The following ANKS1B variants were observed in gnomAD, a reference collection of about 807,000 sequenced individuals.
The protein encoded by ANKS1B is ankyrin repeat and sterile alpha motif domain containing 1B.
In ANKS1B, 36 loss-of-function variants were observed where a neutral mutation model predicts 148.3. That is an observed-to-expected ratio of 0.24 (90% CI 0.19 to 0.32). ANKS1B has a LOEUF of 0.32. Among genes scored for constraint, ANKS1B ranks in the 10% least tolerant of loss-of-function variants. The pLI, the probability that ANKS1B is intolerant of heterozygous loss-of-function variation, is 1.00. For missense variants in ANKS1B, 1,157 were observed against 1,542.6 expected (o/e 0.75, Z 4.19); for synonymous variants, 542 against 560.8 (o/e 0.97, Z 0.47).
chr12:98,782,998 G>A (rs1389338627), intron 22 of ANKS1B, among the ~76,000 whole-genome samples: 1 of 151,138 alleles, frequency 6.6e-6, no homozygotes, highest in Non-Finnish European at 1.5e-5. Context: ...AAAGAGGGAG[G>A]GCTGGGGCAG....
At chr12:99,732,651 T>A (rs999476117) in intron 8 of ANKS1B, among the ~76,000 whole-genome samples, 1 of 152,184 alleles carries the variant, frequency 6.6e-6, no homozygotes, top group African/African-American at 2.4e-5. Context: ...ATATTTTATA[T>A]CTTTATTATG....
intron 19 of ANKS1B, among the ~76,000 whole-genome samples, chr12:98,823,566 T>G (rs185423001): frequency 6.6e-6 from 1 of 152,358 alleles, no homozygotes; most frequent in African/African-American, 2.4e-5. Flanking sequence ...CTCAGCTCAC[T>G]GCAACCTCTG....
At chr12:99,400,496 C>A (rs1242807260) in intron 11 of ANKS1B, among the ~76,000 whole-genome samples, 1 of 143,414 alleles carries the variant, frequency 7.0e-6, no homozygotes, top group Non-Finnish European at 1.5e-5. Flanking sequence ...TAATCTATAC[C>A]CTTTGTCAGT....
At chr12:99,827,854 A>G (rs2083406230) in intron 1 of ANKS1B, among the ~76,000 whole-genome samples, 1 of 152,254 alleles carries the variant, frequency 6.6e-6, no homozygotes, top group South Asian at 2.1e-4. Context: ...AAAAAGTTAT[A>G]TACAAATACC....
At chr12:99,559,526 A>G (rs1487818058) in intron 9 of ANKS1B, among the ~76,000 whole-genome samples, 1 of 152,182 alleles carries the variant, frequency 6.6e-6, no homozygotes. Context: ...TTCCAGTTGC[A>G]TGGTGGGGAA....
In ANKS1B at chr12:99,807,674, A is replaced by T. The variant is rs192535184; in HGVS notation, c.373-974T>A. Among the ~76,000 whole-genome samples the T allele has an allele frequency of 2.0e-3, 298 of 152,300 alleles. 1 individual carries two copies. Among genetic ancestry groups the T allele is most frequent in the Admixed American group, 6.4e-3 (98 of 15,292 alleles). ...GTTTACTCATTTAATCCTCATTATGAGATAGATACTATTATCATTATCTCC... is the reference window on the plus strand; with the variant it reads ...GTTTACTCATTTAATCCTCATTATGTGATAGATACTATTATCATTATCTCC... On this transcript the variant is annotated intron_variant, in intron 3 of 26. Transcript: ENST00000683438.
intron 1 of ANKS1B, among the ~76,000 whole-genome samples, chr12:99,963,374 G>C (rs1231321873): frequency 6.6e-6 from 1 of 152,060 alleles, no homozygotes; most frequent in South Asian, 2.1e-4. Context: ...CATTTGTCAA[G>C]AGTTCTCTTC....
chr12:99,854,781 T>C (rs1294493439), intron 1 of ANKS1B, among the ~76,000 whole-genome samples: 1 of 152,154 alleles, frequency 6.6e-6, no homozygotes, highest in Non-Finnish European at 1.5e-5. Context: ...CCAAGAATTT[T>C]GCATCCAGCA....
intron 14 of ANKS1B, among the ~76,000 whole-genome samples, chr12:99,164,594 TACCAATTATTTCCCTCTCAAAA>T (rs2077019181): frequency 6.6e-6 from 1 of 152,102 alleles, no homozygotes; most frequent in Non-Finnish European, 1.5e-5. Context: ...GAAAATAAGT[TACCAATTATTTCCCTCTCAAAA>T]ACGCTCTATA....
intron 4 of ANKS1B, among the ~76,000 whole-genome samples, chr12:99,802,877 C>A (rs10778024): frequency 0.65 from 98,241 of 150,896 alleles, 32,269 homozygotes; most frequent in African/African-American, 0.73. Flanking sequence ...GCACCACTGC[C>A]CTCCAGCCTG....
intron 25 of ANKS1B, among the ~76,000 whole-genome samples, chr12:98,759,928 C>T (rs1347523680): frequency 2.0e-5 from 3 of 151,784 alleles, no homozygotes; most frequent in Non-Finnish European, 2.9e-5. Flanking sequence ...TGCAATGAGC[C>T]GAGGTCGCAC....
chr12:99,184,225 C>T (rs967816180), intron 14 of ANKS1B, among the ~76,000 whole-genome samples: 1 of 152,154 alleles, frequency 6.6e-6, no homozygotes, highest in African/African-American at 2.4e-5. Context: ...TCTAAAGGTA[C>T]TTTCTTTGGC....
intron 22 of ANKS1B, among the ~76,000 whole-genome samples, chr12:98,786,397 T>A (rs1352866678): frequency 6.6e-6 from 1 of 152,216 alleles, no homozygotes; most frequent in Non-Finnish European, 1.5e-5. Context: ...AATATTGTTC[T>A]TAGTAAGTCA....
chr12:99,637,845 G>A (rs7295526), intron 9 of ANKS1B, among the ~76,000 whole-genome samples: 17,160 of 145,874 alleles, frequency 0.12, 1,095 homozygotes, highest in Middle Eastern at 0.16. Context: ...ACACATACAC[G>A]GAGAGAGAGA....
intron 1 of ANKS1B, among the ~76,000 whole-genome samples, chr12:99,843,176 G>C (rs986683329): frequency 1.3e-5 from 2 of 152,104 alleles, no homozygotes; most frequent in Non-Finnish European, 2.9e-5. Context: ...TTTTCTAGGA[G>C]ATAAGTTATT....
intron 12 of ANKS1B, among the ~76,000 whole-genome samples, chr12:99,371,524 T>C (rs921407130): frequency 2.0e-5 from 3 of 151,928 alleles, no homozygotes; most frequent in Non-Finnish European, 4.4e-5. Context: ...TTGGTATGTG[T>C]CAACTTGTCT....
chr12:99,299,348 C>G (rs1480378989), intron 12 of ANKS1B, among the ~76,000 whole-genome samples: 1 of 152,178 alleles, frequency 6.6e-6, no homozygotes. Context: ...GTGTTAGCCA[C>G]TGCACCCAGC....
At chr12:99,664,736 C>G (rs1472243868) in intron 8 of ANKS1B, among the ~76,000 whole-genome samples, 1 of 152,102 alleles carries the variant, frequency 6.6e-6, no homozygotes, top group Non-Finnish European at 1.5e-5. Flanking sequence ...CCCCAGAAAT[C>G]TTTTTTCTGC....
chr12:99,260,686 C>T (rs890157000), intron 12 of ANKS1B, among the ~76,000 whole-genome samples: 4 of 152,172 alleles, frequency 2.6e-5, no homozygotes, highest in Non-Finnish European at 5.9e-5. Context: ...TGATGTTCAA[C>T]TCTGCGAGTG....
Sources: gnomAD v4.1 joint callset for allele counts (sites outside exome capture counted in the v4.1 genomes callset) on GRCh38, gnomAD v4.1.1 for gene constraint, MANE v1.5 for transcripts, NCBI Gene and HGNC (gene_info 2026-07-23, HGNC 2026-07-21) for gene names.